Variants in CCDC6 observed in about 807,000 individuals in gnomAD.
CCDC6 encodes the protein coiled-coil domain-containing protein 6.
In CCDC6, 20 loss-of-function variants were observed where a neutral mutation model predicts 56.6. The ratio of observed to expected loss-of-function variants is 0.35; its 90% confidence interval spans 0.25 to 0.51. The LOEUF (loss-of-function observed/expected upper bound fraction) is 0.51, where lower values mean the gene tolerates loss of function less well. Ranked by LOEUF, CCDC6 falls within the 20% of genes least tolerant of loss-of-function variation. The pLI is 0.95. For missense variants in CCDC6, 367 were observed against 601.1 expected (o/e 0.61, Z 4.07); for synonymous variants, 241 against 234.4 (o/e 1.03, Z -0.26).
chr10:59,826,627 G>C (rs929011896), intron 3 of CCDC6, among the ~76,000 whole-genome samples: 1 of 152,170 alleles, frequency 6.6e-6, no homozygotes, highest in Non-Finnish European at 1.5e-5. Flanking sequence ...ATGCAATACA[G>C]GTGTACTGGA....
chr10:59,840,765 C>T (rs2070930980), intron 2 of CCDC6, among the ~76,000 whole-genome samples: 3 of 152,144 alleles, frequency 2.0e-5, no homozygotes, highest in Non-Finnish European at 4.4e-5. Context: ...CTTTCTTGAT[C>T]CTTTTTTTCT....
At chr10:59,856,786 C>A (rs955116938) in intron 1 of CCDC6, among the ~76,000 whole-genome samples, 7 of 152,156 alleles carry the variant, frequency 4.6e-5, no homozygotes, top group Non-Finnish European at 1.0e-4. Flanking sequence ...TATCTAAACA[C>A]ATCCCAATTC....
chr10:59,842,539 T>A (rs1457365408), intron 2 of CCDC6, among the ~76,000 whole-genome samples: 2 of 152,204 alleles, frequency 1.3e-5, no homozygotes, highest in Non-Finnish European at 2.9e-5. Context: ...TTGCATTTCT[T>A]GTATAAACCC....
intron 7 of CCDC6, among the ~76,000 whole-genome samples, 183 bp downstream of exon 7, chr10:59,804,237 C>T (rs538359634): frequency 1.4e-5 from 2 of 143,880 alleles, no homozygotes; most frequent in East Asian, 4.0e-4. Flanking sequence ...GACACTCTAG[C>T]ATTTATGCTT....
intron 1 of CCDC6, among the ~76,000 whole-genome samples, chr10:59,900,879 G>C (rs1405954122): frequency 6.6e-6 from 1 of 152,098 alleles, no homozygotes; most frequent in Non-Finnish European, 1.5e-5. Context: ...GGACAACATG[G>C]TAAACACCAC....
At chr10:59,882,875 G>A (rs1280920569) in intron 1 of CCDC6, among the ~76,000 whole-genome samples, 1 of 151,992 alleles carries the variant, frequency 6.6e-6, no homozygotes, top group Non-Finnish European at 1.5e-5. Flanking sequence ...CAGGAGAATC[G>A]CTTGAACCCG....
chr10:59,848,569 C>T (rs61848702), intron 2 of CCDC6, among the ~76,000 whole-genome samples: 78,265 of 151,958 alleles, frequency 0.52, 21,944 homozygotes, highest in African/African-American at 0.75. Context: ...TCCCAGCTAC[C>T]TGGAAGGTGA....
intron 6 of CCDC6, 182 bp downstream of exon 6, chr10:59,806,740 A>G (rs2070628280): frequency 2.2e-6 from 1 of 463,884 alleles, no homozygotes; most frequent in African/African-American, 2.0e-5. Flanking sequence ...TTTGTGTTTA[A>G]GGAAAATGTT....
chr10:59,837,766 A>G (rs2070896575), intron 2 of CCDC6, among the ~76,000 whole-genome samples: 1 of 148,096 alleles, frequency 6.8e-6, no homozygotes, highest in Admixed American at 6.7e-5. Context: ...AAAAAAAAAA[A>G]AAAAGAAAGA....
chr10:59,865,631 A>G (rs951054199), intron 1 of CCDC6, among the ~76,000 whole-genome samples: 1 of 152,122 alleles, frequency 6.6e-6, no homozygotes, highest in African/African-American at 2.4e-5. Flanking sequence ...AGGCGGGCAG[A>G]TCACGAGGTC....
intron 1 of CCDC6, among the ~76,000 whole-genome samples, chr10:59,869,421 A>C (rs1308718596): frequency 2.4e-5 from 1 of 42,460 alleles, no homozygotes; most frequent in Non-Finnish European, 4.5e-5. Context: ...AAAAAAAAAC[A>C]GAAAAAAGAA....
At chr10:59,882,726 C>T (rs896036085) in intron 1 of CCDC6, among the ~76,000 whole-genome samples, 1 of 149,538 alleles carries the variant, frequency 6.7e-6, no homozygotes, top group African/African-American at 2.4e-5. Context: ...TTTGGGAGGC[C>T]GAGGCAGGCG....
intron 1 of CCDC6, among the ~76,000 whole-genome samples, chr10:59,876,105 G>T (rs934565526): frequency 1.1e-5 from 1 of 91,412 alleles, no homozygotes; most frequent in Admixed American, 1.7e-4. Flanking sequence ...ATCGAGTCTC[G>T]TTCTATCATC....
chr10:59,886,362 A>G (rs765040972), intron 1 of CCDC6, among the ~76,000 whole-genome samples: 1 of 152,208 alleles, frequency 6.6e-6, no homozygotes, highest in African/African-American at 2.4e-5. Flanking sequence ...TCAAGATCTC[A>G]TATGAAATAT....
Position 59,791,670 on chromosome 10 carries a change from T to C in CCDC6, c.*1247A>G, listed in dbSNP as rs10821594. ...CAAACACAGGTGGTAAAAATCACTT[T>C]ACTACCAAAGTACAAAACAGCAACT... On this transcript the variant is annotated 3_prime_UTR_variant, in exon 9 of 9. Transcript: ENST00000263102. The C allele has an allele frequency of 0.46, 95,656 of 209,556 alleles. 23,039 individuals are homozygous for C. Among genetic ancestry groups the C allele is most frequent in the East Asian group, 0.58 (7,913 of 13,688 alleles). The allele number at this position is 209,556 out of a possible 1,614,324, so 13.0% of individuals were successfully genotyped here.
intron 3 of CCDC6, 124 bp downstream of exon 3, chr10:59,832,401 T>A: frequency 1.3e-6 from 1 of 798,078 alleles, no homozygotes; most frequent in Non-Finnish European, 2.0e-6. Context: ...AAATGAAGTC[T>A]CCACAGTGGG....
intron 7 of CCDC6, among the ~76,000 whole-genome samples, chr10:59,802,501 T>C (rs548242642): frequency 6.6e-6 from 1 of 152,220 alleles, no homozygotes; most frequent in South Asian, 2.1e-4. Context: ...AGCACTACAA[T>C]GTACTAGATC....
intron 2 of CCDC6, among the ~76,000 whole-genome samples, chr10:59,837,746 CAAA>C (rs397940135): frequency 1.0e-4 from 5 of 49,734 alleles, no homozygotes; most frequent in South Asian, 1.4e-3. Flanking sequence ...GACTCTGTCT[CAAA>C]AAAAAAAAAA....
At chr10:59,880,293 C>A (rs1302227381) in intron 1 of CCDC6, among the ~76,000 whole-genome samples, 1 of 151,798 alleles carries the variant, frequency 6.6e-6, no homozygotes, top group East Asian at 2.0e-4. Context: ...ACTTTACAGC[C>A]CTATAGTAAC....
Sources: allele counts gnomAD v4.1 joint callset (sites outside exome capture counted in the v4.1 genomes callset), GRCh38; gene constraint gnomAD v4.1.1; transcripts MANE v1.5; gene names NCBI Gene and HGNC (gene_info 2026-07-23, HGNC 2026-07-21).